The following MCPH1 variants were observed in gnomAD, a reference collection of about 807,000 sequenced individuals.
MCPH1 encodes microcephalin.
MCPH1 carries 104 observed loss-of-function variants against 84.5 expected under a neutral mutation model. That is an observed-to-expected ratio of 1.23 (90% confidence interval 1.05 to 1.45). The LOEUF (loss-of-function observed/expected upper bound fraction) is 1.45. Among genes scored for constraint, MCPH1 ranks in the 40% most tolerant of loss-of-function variants. The probability of loss-of-function intolerance (pLI) is 0.00; values close to 1 mark genes in which losing one functional copy is unlikely to be tolerated. For missense variants in MCPH1, 1,498 were observed against 1,005.7 expected, an observed-to-expected ratio of 1.49 and a Z score of -6.62; for synonymous variants, 514 against 366.8, an observed-to-expected ratio of 1.40 and a Z score of -4.58.
At chr8:6,416,453 A>G (rs990477030) in intron 3 of MCPH1, among the ~76,000 whole-genome samples, 1 of 152,138 alleles carries the variant, frequency 6.6e-6, no homozygotes, top group African/African-American at 2.4e-5. Flanking sequence ...GTTTGTGTAA[A>G]TGTCCTTTTT....
In MCPH1 at chr8:6,539,406, G is replaced by A. The variant is rs150938271; in HGVS notation, c.2214+39477G>A. On this transcript the variant is annotated intron_variant, in intron 12 of 13. Coordinates refer to ENST00000344683, the MANE Select transcript of MCPH1 (RefSeq NM_024596.5). Reference sequence around the variant, plus strand: ...GAAGTTGAGGCAAAAGCTAAAGGCCGAGGGAGGGAAGCCTGGCCTCTGGTG... The same window carrying A: ...GAAGTTGAGGCAAAAGCTAAAGGCCAAGGGAGGGAAGCCTGGCCTCTGGTG... Among the ~76,000 whole-genome samples, 974 of 152,240 alleles carry A rather than the reference G, an allele frequency of 6.4e-3. 11 individuals carry two copies. Among genetic ancestry groups the A allele is most frequent in the African/African-American group, 0.023 (951 of 41,530 alleles).
At chr8:6,409,050 A>C (rs1053111056) in intron 1 of MCPH1, among the ~76,000 whole-genome samples, 1 of 151,778 alleles carries the variant, frequency 6.6e-6, no homozygotes, top group Non-Finnish European at 1.5e-5. Context: ...ATGCTCGGCT[A>C]ATTTTTTGTA....
chr8:6,430,981 C>T (rs1050704397), intron 3 of MCPH1, among the ~76,000 whole-genome samples: 2 of 152,100 alleles, frequency 1.3e-5, no homozygotes, highest in African/African-American at 4.8e-5. Context: ...GTCCACAGGG[C>T]AGGAGGAGGA....
intron 11 of MCPH1, among the ~76,000 whole-genome samples, chr8:6,482,584 G>T (rs1809379056): frequency 6.6e-6 from 1 of 152,190 alleles, no homozygotes; most frequent in Admixed American, 6.5e-5. Flanking sequence ...ATCTGTACAG[G>T]ATTCCTTACC....
chr8:6,605,959 A>C lies in MCPH1; in HGVS notation c.2215-15495A>C, dbSNP rs191870786. 2.3e-4 allele frequency among the ~76,000 whole-genome samples: 35 copies of C among 152,286 alleles called. 1 individual carries two copies. The highest frequency in any genetic ancestry group is 3.1e-4 in the Non-Finnish European group (21 of 68,030). On this transcript the variant is annotated intron_variant, in intron 12 of 13. Coordinates refer to ENST00000344683, the MANE Select transcript of MCPH1 (RefSeq NM_024596.5). ...TGATCTACCCCCCTTGGCCCCCCAG[A>C]ATGCTGGGATTACAGGCATGAGCCA...
intron 12 of MCPH1, among the ~76,000 whole-genome samples, chr8:6,609,045 AC>A (rs763307570): frequency 2.6e-5 from 4 of 152,138 alleles, no homozygotes; most frequent in South Asian, 2.1e-4. Context: ...CTCGCCTAAA[AC>A]CCCAACTTTC....
At chr8:6,622,800 T>A (rs73184452) in intron 13 of MCPH1, among the ~76,000 whole-genome samples, 12,386 of 152,176 alleles carry the variant, frequency 0.081, 881 homozygotes, top group East Asian at 0.36. Context: ...AGGATACCAG[T>A]CAGATTGGAT....
intron 9 of MCPH1, among the ~76,000 whole-genome samples, chr8:6,476,717 C>G (rs144611042): frequency 3.8e-4 from 58 of 152,284 alleles, no homozygotes; most frequent in African/African-American, 1.3e-3. Flanking sequence ...CTTCAAATGC[C>G]TTTTGTTCCT....
At chr8:6,489,719 G>A (rs141927974) in intron 11 of MCPH1, among the ~76,000 whole-genome samples, 1 of 152,144 alleles carries the variant, frequency 6.6e-6, no homozygotes, top group African/African-American at 2.4e-5. Context: ...AGTGTGACTC[G>A]AGCCTTCTCG....
chr8:6,539,242 G>T (rs13269021), intron 12 of MCPH1, among the ~76,000 whole-genome samples: 38,613 of 152,144 alleles, frequency 0.25, 5,077 homozygotes, highest in East Asian at 0.41. Context: ...GCCCTGTGAC[G>T]TGGGAAGCAA....
intron 12 of MCPH1, among the ~76,000 whole-genome samples, chr8:6,510,966 C>A (rs897824609): frequency 6.6e-6 from 1 of 152,202 alleles, no homozygotes; most frequent in Non-Finnish European, 1.5e-5. Flanking sequence ...AAATACTCAT[C>A]TCTGTTGGGA....
chr8:6,537,425 C>A (rs1354791496), intron 12 of MCPH1, among the ~76,000 whole-genome samples: 2 of 152,018 alleles, frequency 1.3e-5, no homozygotes, highest in African/African-American at 4.8e-5. Flanking sequence ...ATCCTTCTAG[C>A]TGCATGGTTT....
intron 9 of MCPH1, among the ~76,000 whole-genome samples, chr8:6,461,436 T>C (rs753260053): frequency 2.6e-5 from 4 of 151,644 alleles, no homozygotes; most frequent in Non-Finnish European, 5.9e-5. Flanking sequence ...AAGTGATTCT[T>C]GTGTCTCAAC....
At chr8:6,623,154 C>A (rs1831650938) in intron 13 of MCPH1, among the ~76,000 whole-genome samples, 1 of 151,870 alleles carries the variant, frequency 6.6e-6, no homozygotes, top group Non-Finnish European at 1.5e-5. Flanking sequence ...CACCCAGCCC[C>A]AGTGGCATCA....
intron 13 of MCPH1, among the ~76,000 whole-genome samples, chr8:6,634,151 C>G (rs907878032): frequency 6.6e-6 from 1 of 152,174 alleles, no homozygotes; most frequent in South Asian, 2.1e-4. Context: ...CTGAAGGCAT[C>G]ACACTGAACC....
chr8:6,442,162 AT>A lies in MCPH1; in HGVS notation c.670+11del. 6.4e-7 allele frequency: 1 copy of A among 1,573,554 alleles called. No individual in the cohort carries two copies. The highest frequency in any genetic ancestry group is 8.7e-7 in the Non-Finnish European group (1 of 1,143,530). On this transcript the variant is annotated splice_region_variant and intron_variant, in intron 7 of 13. Transcript: ENST00000344683. ...ACGTGATACTTTGTGTTCAGGTAAA[AT>A]TTTTATTTTCCTTTCTGTGATATGT...
At chr8:6,469,196 AACTT>A (rs1563251723) in intron 9 of MCPH1, among the ~76,000 whole-genome samples, 1 of 152,190 alleles carries the variant, frequency 6.6e-6, no homozygotes, top group Admixed American at 6.5e-5. Flanking sequence ...ACAAAAAAGA[AACTT>A]AAAGATTTTA....
At chr8:6,449,057 T>C (rs1445306060) in intron 8 of MCPH1, among the ~76,000 whole-genome samples, 3 of 152,190 alleles carry the variant, frequency 2.0e-5, no homozygotes, top group African/African-American at 2.4e-5. Context: ...ATCACCAACA[T>C]TGATTGCAAA....
chr8:6,632,019 C>G (rs1797199227), intron 13 of MCPH1, among the ~76,000 whole-genome samples: 4 of 152,180 alleles, frequency 2.6e-5, no homozygotes, highest in African/African-American at 9.7e-5. Context: ...GAAGGAGATT[C>G]TGATACATGT....
Sources: allele counts gnomAD v4.1 joint callset (sites outside exome capture counted in the v4.1 genomes callset), GRCh38; gene constraint gnomAD v4.1.1; transcripts MANE v1.5; gene names NCBI Gene and HGNC (gene_info 2026-07-23, HGNC 2026-07-21).